Variants in DAZAP1 observed in about 807,000 individuals in gnomAD.
DAZAP1 encodes DAZ-associated protein 1.
In DAZAP1, 6 loss-of-function variants were observed where a neutral mutation model predicts 60.1. That is an observed-to-expected ratio of 0.10 (90% CI 0.05 to 0.20). The LOEUF is 0.20. DAZAP1 is among the 10% of genes least tolerant of loss of function. DAZAP1 has a pLI of 1.00. For missense variants in DAZAP1, 366 were observed against 560.4 expected (o/e 0.65, Z 3.50); for synonymous variants, 235 against 215.9 (o/e 1.09, Z -0.78).
At chr19:1,411,489 C>G (rs552604834) in intron 1 of DAZAP1, among the ~76,000 whole-genome samples, 78 of 152,302 alleles carry the variant, frequency 5.1e-4, no homozygotes, top group African/African-American at 1.8e-3. Flanking sequence ...TGTCCTGTGT[C>G]GGCTCCTTTG....
At position 1,426,084 on chromosome 19, in the gene DAZAP1, C is replaced by T. The variant is rs2083297623; in HGVS notation, c.546+124C>T. On this transcript the variant is annotated intron_variant, in intron 7 of 11. Coordinates refer to ENST00000233078, the MANE Select transcript of DAZAP1 (RefSeq NM_018959.4). The surrounding 1 kb of genome is among the most constrained non-coding windows in gnomAD (Gnocchi z 5.4). ...GGCGAGTTCGTCCTGTGAACCTTTGCTGCGTGAGGTGGGCCTGGGTCTGTA... is the reference window on the plus strand; with the variant it reads ...GGCGAGTTCGTCCTGTGAACCTTTGTTGCGTGAGGTGGGCCTGGGTCTGTA... 1.3e-6 allele frequency: 1 copy of T among 756,148 alleles called. No homozygotes were observed. Among genetic ancestry groups the T allele is most frequent in the Non-Finnish European group, 2.4e-6 (1 of 419,782 alleles). The allele number at this position is 756,148 out of a possible 1,614,324, so 46.8% of individuals were successfully genotyped here.
intron 1 of DAZAP1, 119 bp from the exon 2 acceptor site, chr19:1,417,381 C>G (rs567462202): frequency 7.1e-6 from 8 of 1,130,646 alleles, no homozygotes; most frequent in Non-Finnish European, 9.1e-6. Context: ...GTCACGTGCA[C>G]AAGGACGTTT....
At chr19:1,409,554 C>T (rs1204642267) in intron 1 of DAZAP1, among the ~76,000 whole-genome samples, 1 of 152,230 alleles carries the variant, frequency 6.6e-6, no homozygotes, top group African/African-American at 2.4e-5. Flanking sequence ...TCCCCGGCTG[C>T]CAGGAGTGTC....
In DAZAP1 at chr19:1,422,093, G is replaced by C. The variant is rs1016510683; in HGVS notation, c.415-255G>C. Reference sequence around the variant, plus strand: ...AGCACACACGTGAGCGGGGCCACGGGCAGCCCGGAGGCGGGTATCCAGACG... The same window carrying C: ...AGCACACACGTGAGCGGGGCCACGGCCAGCCCGGAGGCGGGTATCCAGACG... On this transcript the variant is annotated intron_variant, in intron 5 of 11. Coordinates refer to ENST00000233078, the MANE Select transcript of DAZAP1 (RefSeq NM_018959.4). This position sits in a 1 kb window ranked among gnomAD's most constrained non-coding sequence, Gnocchi z 4.5. Among the ~76,000 whole-genome samples, 6 of 152,242 alleles carry C rather than the reference G, an allele frequency of 3.9e-5. No homozygotes were observed. Among genetic ancestry groups the C allele is most frequent in the Non-Finnish European group, 7.3e-5 (5 of 68,034 alleles).
At chr19:1,414,712 G>T (rs2082923855) in intron 1 of DAZAP1, among the ~76,000 whole-genome samples, 1 of 151,542 alleles carries the variant, frequency 6.6e-6, no homozygotes, top group Non-Finnish European at 1.5e-5. Context: ...CTCCAGCCTG[G>T]GCAACACAGC....
At chr19:1,430,074 CG>C (rs2083405411) in intron 9 of DAZAP1, 78 bp downstream of exon 9, 8 of 1,581,664 alleles carry the variant, frequency 5.1e-6, no homozygotes, top group Non-Finnish European at 6.9e-6. Context: ...CTGGGGCAGC[CG>C]GCAAAGCCTG....
At chr19:1,424,425 C>CT (rs1327760735) in intron 6 of DAZAP1, among the ~76,000 whole-genome samples, 2 of 147,464 alleles carry the variant, frequency 1.4e-5, no homozygotes, top group African/African-American at 5.0e-5. Context: ...CACACGTGTG[C>CT]TCAGGACGGT....
Position 1,430,260 on chromosome 19 carries a change from C to G in DAZAP1, c.769C>G (p.Pro257Ala). The change falls in exon 10 of 12, where the codon CCG (proline) becomes GCG (alanine). Residue 257 changes from proline (P) to alanine (A), a missense_variant. Physicochemically the swap from Pro to Ala is conservative, Grantham distance 27. This residue lies in a region of DAZAP1 where 240 missense variants were observed against 308.8 expected (regional missense o/e 0.78). Transcript: ENST00000233078. ...GPPPAGRGAP[P>A]PPPPFTSYIV... Reference sequence around the variant, plus strand: ...GCCCCCTGCAGGAAGAGGAGCCCCCCCGCCACCCCCACCGTTCACCTCCTA... The same window carrying G: ...GCCCCCTGCAGGAAGAGGAGCCCCCGCGCCACCCCCACCGTTCACCTCCTA... The G allele has an allele frequency of 7.8e-7, 1 of 1,288,278 alleles. No homozygotes were observed. The highest frequency in any genetic ancestry group is 1.1e-6 in the Non-Finnish European group (1 of 914,664). 79.8% of individuals were successfully genotyped at this position (1,288,278 alleles called of 1,614,324 possible). A position where few individuals can be genotyped will look rare whatever the true frequency, so the allele number is the denominator to read the frequency against.
In DAZAP1 at chr19:1,423,367, C is replaced by T. The variant is rs1367401101; in HGVS notation, c.463+971C>T. Among the ~76,000 whole-genome samples the T allele has an allele frequency of 6.6e-6, 1 of 152,230 alleles. No homozygotes were observed. Among genetic ancestry groups the T allele is most frequent in the Non-Finnish European group, 1.5e-5 (1 of 68,044 alleles). ...GTAAAGTACAGTGATGTTAAGTAAGCTGTTTTTCCTTTTCTCTCTGTGAAT... is the reference window on the plus strand; with the variant it reads ...GTAAAGTACAGTGATGTTAAGTAAGTTGTTTTTCCTTTTCTCTCTGTGAAT... On this transcript the variant is annotated intron_variant, in intron 6 of 11. Transcript: ENST00000233078. The surrounding 1 kb of genome is among the most constrained non-coding windows in gnomAD (Gnocchi z 6.8).
rs1755873675 is a variant in DAZAP1 at position 1,407,808 on chromosome 19, G to A, written c.29+6G>A. ...TCGGGCGCCGACGAGATCGGGTGAG[G>A]ACGAGCGGCGCGGGCCTGCGTCTCC... On this transcript the variant is annotated splice_donor_region_variant and intron_variant, in intron 1 of 11. Coordinates refer to ENST00000233078, the MANE Select transcript of DAZAP1 (RefSeq NM_018959.4). The A allele has an allele frequency of 4.7e-6, 5 of 1,073,616 alleles. No individual in the cohort carries two copies. Among genetic ancestry groups the A allele is most frequent in the African/African-American group, 3.4e-5 (2 of 58,688 alleles). 66.5% of individuals were successfully genotyped at this position (1,073,616 alleles called of 1,614,324 possible).
chr19:1,421,104 GGAGGGT>G (rs1281175587), intron 4 of DAZAP1, 38 bp from the exon 5 acceptor site: 1 of 1,587,970 alleles, frequency 6.3e-7, no homozygotes, highest in South Asian at 1.1e-5. Flanking sequence ...GGGAGGGTTT[GGAGGGT>G]TCCCGTGTGA....
chr19:1,414,909 G>C (rs182485447), intron 1 of DAZAP1, among the ~76,000 whole-genome samples: 2 of 150,842 alleles, frequency 1.3e-5, no homozygotes, highest in Non-Finnish European at 2.9e-5. Context: ...CTGCAGCCTC[G>C]ACCTTGACTC....
chr19:1,432,560 T>A lies in DAZAP1; in HGVS notation c.918T>A (p.Pro306=). The A allele has an allele frequency of 6.2e-7, 1 of 1,613,550 alleles. No homozygotes were observed. Among genetic ancestry groups the A allele is most frequent in the Non-Finnish European group, 8.5e-7 (1 of 1,179,964 alleles). ...CTCCACCGCCAGATCAGTTTGCCCC[T>A]CCGGGGGTTCCTCCTCCACCAGCCA... ...PPPPPPDQFA[P]PGVPPPPATP... The change falls in exon 11 of 12, where the codon CCT becomes CCA. Residue 306 remains proline, a synonymous_variant. Transcript: ENST00000233078. The surrounding 1 kb of genome is among the most constrained non-coding windows in gnomAD (Gnocchi z 4.9).
At position 1,434,631 on chromosome 19, in the gene DAZAP1, C is replaced by T. The variant is rs536353231; in HGVS notation, c.1049-106C>T. ...GGCCCCACCCGCACCCCGTGGGACC[C>T]GTGGACTCAAGGCAGGCTCGGCGGA... On this transcript the variant is annotated intron_variant, in intron 11 of 11. Transcript: ENST00000233078. The surrounding 1 kb of genome is among the most constrained non-coding windows in gnomAD (Gnocchi z 8.0). 14 of 1,261,252 alleles carry T rather than the reference C, an allele frequency of 1.1e-5. No individual in the cohort carries two copies. The Admixed American group carries it at 1.2e-4, about 10-fold the overall frequency. The allele number at this position is 1,261,252 out of a possible 1,614,324, so 78.1% of individuals were successfully genotyped here.
At position 1,426,880 on chromosome 19, in the gene DAZAP1, G is replaced by A. The variant is rs940601331; in HGVS notation, c.546+920G>A. ...GCTTCTCCCGTTAACGGAAGAAGAC[G>A]CTTAGCCCCTCTGACAGGGCCATGG... On this transcript the variant is annotated intron_variant, in intron 7 of 11. Transcript: ENST00000233078. The surrounding 1 kb of genome is among the most constrained non-coding windows in gnomAD (Gnocchi z 5.4). 4 of 152,172 alleles carry A rather than the reference G, an allele frequency of 2.6e-5. No homozygotes were observed. Among genetic ancestry groups the A allele is most frequent in the Admixed American group, 6.5e-5 (1 of 15,274 alleles). 9.4% of individuals were successfully genotyped at this position (152,172 alleles called of 1,614,324 possible). A position where few individuals can be genotyped will look rare whatever the true frequency, so the allele number is the denominator to read the frequency against.
intron 1 of DAZAP1, among the ~76,000 whole-genome samples, chr19:1,408,150 G>C (rs1040091525): frequency 6.6e-6 from 1 of 151,724 alleles, no homozygotes; most frequent in African/African-American, 2.4e-5. Flanking sequence ...CCGTGCCGCC[G>C]CTTCCCGACT....
rs2144966650 is a variant in DAZAP1 at position 1,434,933 on chromosome 19, G to A, written c.*21G>A. 1 of 1,345,170 alleles carries A rather than the reference G, an allele frequency of 7.4e-7. No individual in the cohort carries two copies. The highest frequency in any genetic ancestry group is 3.5e-5 in the East Asian group (1 of 28,370). 83.3% of individuals were successfully genotyped at this position (1,345,170 alleles called of 1,614,324 possible). A position where few individuals can be genotyped will look rare whatever the true frequency, so the allele number is the denominator to read the frequency against. The stretch of plus-strand genomic sequence containing the variant: ...GCTAGCCCGCGGCGCCGCGACGTCT[G>A]CACGGCCCAGACCCAGGATTCCAAA... On this transcript the variant is annotated 3_prime_UTR_variant, in exon 12 of 12. Transcript: ENST00000233078. The surrounding 1 kb of genome is among the most constrained non-coding windows in gnomAD (Gnocchi z 8.0).
chr19:1,430,551 G>T lies in DAZAP1; in HGVS notation c.871+189G>T, dbSNP rs140323305. Among the ~76,000 whole-genome samples the T allele has an allele frequency of 2.6e-5, 4 of 152,192 alleles. No homozygotes were observed. In the East Asian group the frequency reaches 7.7e-4, roughly 29 times the overall value. On this transcript the variant is annotated intron_variant, in intron 10 of 11. Coordinates refer to ENST00000233078, the MANE Select transcript of DAZAP1 (RefSeq NM_018959.4). ...GGCTCCATCGCCTGTGGCCTCGCTG[G>T]TTAGGCTAAAGGGCAGCCCGGGCTC...
At position 1,414,811 on chromosome 19, in the gene DAZAP1, A is replaced by C. The variant is rs186580114; in HGVS notation, c.30-2689A>C. On this transcript the variant is annotated intron_variant, in intron 1 of 11. Transcript: ENST00000233078. ...TTTTTTATTTTTTTAATTTTATTTAAGAGTATTTTTTATTTTTTTTTTAAT... is the reference window on the plus strand; with the variant it reads ...TTTTTTATTTTTTTAATTTTATTTACGAGTATTTTTTATTTTTTTTTTAAT... Among the ~76,000 whole-genome samples the C allele has an allele frequency of 2.0e-4, 31 of 151,314 alleles. No individual in the cohort carries two copies. The East Asian group carries it at 5.8e-3, about 28-fold the overall frequency.
Sources: allele counts gnomAD v4.1 joint callset (sites outside exome capture counted in the v4.1 genomes callset), GRCh38; gene constraint gnomAD v4.1.1; regional missense constraint gnomAD v4.1.1; non-coding constraint Gnocchi (gnomAD v3.1); transcripts MANE v1.5; gene names NCBI Gene and HGNC (gene_info 2026-07-23, HGNC 2026-07-21).